MARCHF7: variants seen among roughly 807,000 people sequenced by gnomAD.
MARCHF7 encodes E3 ubiquitin-protein ligase MARCHF7.
Under a neutral mutation model 76.5 loss-of-function variants are expected in MARCHF7, and 20 were observed. The observed-to-expected ratio is 0.26, with a 90% confidence interval of 0.18 to 0.38. The LOEUF (loss-of-function observed/expected upper bound fraction) is 0.38, where lower values mean the gene tolerates loss of function less well. Among genes scored for constraint, MARCHF7 ranks in the 10% least tolerant of loss-of-function variants. The probability of loss-of-function intolerance (pLI) is 1.00; values close to 1 mark genes in which losing one functional copy is unlikely to be tolerated. For synonymous variants in MARCHF7, 295 were observed against 293.0 expected, an observed-to-expected ratio of 1.01 and a Z score of -0.07; for missense variants, 797 against 812.9, an observed-to-expected ratio of 0.98 and a Z score of 0.24.
intron 6 of MARCHF7, among the ~76,000 whole-genome samples, chr2:159,746,887 A>G (rs1704968269): frequency 6.6e-6 from 1 of 152,240 alleles, no homozygotes; most frequent in South Asian, 2.1e-4. Context: ...TTTATTTATG[A>G]CAAATGAAAA....
chr2:159,714,462 A>G (rs950168752), intron 1 of MARCHF7, 95 bp from the exon 2 acceptor site: 1 of 152,172 alleles, frequency 6.6e-6, no homozygotes, highest in Non-Finnish European at 1.5e-5. Flanking sequence ...GAAATTTTAC[A>G]GGATTTATTT....
At position 159,743,206 on chromosome 2, in the gene MARCHF7, C is replaced by G. The variant is rs17813964; in HGVS notation, c.299C>G (p.Thr100Ser). The G allele has an allele frequency of 0.083, 133,477 of 1,613,588 alleles. 6,009 individuals carry two copies. Among genetic ancestry groups the G allele is most frequent in the Non-Finnish European group, 0.094 (110,600 of 1,179,540 alleles). ...KRPKLSCTNC[T>S]TSAGRNVGNG... ...CCTAAACTTTCCTGTACAAACTGTA[C>G]TACCTCAGCTGGGAGAAATGTTGGA... Residue 100 changes from threonine to serine, a missense_variant, in exon 5 of 12, where the codon ACT (threonine) becomes AGT (serine). Transcript: ENST00000409175.
intron 3 of MARCHF7, among the ~76,000 whole-genome samples, chr2:159,727,320 G>T (rs779963553): frequency 3.3e-5 from 5 of 152,230 alleles, no homozygotes; most frequent in Non-Finnish European, 2.9e-5. Flanking sequence ...GGGCACGGTG[G>T]CTCATGCCTG....
rs1708024781 is a variant in MARCHF7, at chr2:159,768,608, G to A, written c.*1266G>A. On this transcript the variant is annotated 3_prime_UTR_variant, in exon 12 of 12. Coordinates refer to ENST00000409175, the MANE Select transcript of MARCHF7 (RefSeq NM_001282805.2). ...TTGAAATGTTTCCTTTTAAACTGGTGCTCAAAGAAGACATCAGACTTCATA... is the reference window on the plus strand; with the variant it reads ...TTGAAATGTTTCCTTTTAAACTGGTACTCAAAGAAGACATCAGACTTCATA... The A allele has an allele frequency of 6.6e-6, 1 of 152,498 alleles. No homozygotes were observed. Among genetic ancestry groups the A allele is most frequent in the African/African-American group, 2.4e-5 (1 of 41,400 alleles). The allele number at this position is 152,498 out of a possible 1,614,324, so 9.4% of individuals were successfully genotyped here.
chr2:159,745,219 G>C (rs1704704676), intron 5 of MARCHF7, among the ~76,000 whole-genome samples: 1 of 152,176 alleles, frequency 6.6e-6, no homozygotes. Flanking sequence ...CATTGTGTAT[G>C]GGGTAGATTT....
intron 3 of MARCHF7, among the ~76,000 whole-genome samples, chr2:159,718,465 TGTGACTCTTGACAGATACCTGATCA>T (rs1701279884): frequency 1.3e-5 from 2 of 152,158 alleles, no homozygotes; most frequent in South Asian, 4.1e-4. Context: ...ATGACTACTG[TGTGACTCTTGACAGATACCTGATCA>T]AGGCCATTAT....
intron 4 of MARCHF7, among the ~76,000 whole-genome samples, chr2:159,736,137 G>A (rs1703427757): frequency 6.6e-6 from 1 of 152,118 alleles, no homozygotes; most frequent in South Asian, 2.1e-4. Context: ...TTAAAATAAG[G>A]GAATGGAATT....
chr2:159,722,063 T>C (rs970059781), intron 3 of MARCHF7, among the ~76,000 whole-genome samples: 5 of 152,248 alleles, frequency 3.3e-5, no homozygotes, highest in Non-Finnish European at 5.9e-5. Flanking sequence ...CGCTATTTGT[T>C]TTTAAGTCTT....
rs758475387 is a variant in MARCHF7, at chr2:159,745,758, A to G, written c.347-12A>G. The G allele has an allele frequency of 3.2e-6, 5 of 1,578,876 alleles. No individual in the cohort carries two copies. The highest frequency in any genetic ancestry group is 4.3e-6 in the Non-Finnish European group (5 of 1,163,744). On this transcript the variant is annotated splice_polypyrimidine_tract_variant and intron_variant, in intron 5 of 11. Transcript: ENST00000409175. ...GCTTTCTCTGAAATAAAACTTCTTC[A>G]TTTATTTTAAGATTCATCTTGGAGG...
intron 8 of MARCHF7, among the ~76,000 whole-genome samples, chr2:159,755,339 T>G (rs150830572): frequency 1.3e-5 from 2 of 151,986 alleles, no homozygotes; most frequent in African/African-American, 4.8e-5. Context: ...AGCAAAGATA[T>G]TGAGAAAGTT....
intron 3 of MARCHF7, among the ~76,000 whole-genome samples, chr2:159,727,835 C>T (rs1409414424): frequency 2.0e-5 from 3 of 152,116 alleles, no homozygotes; most frequent in African/African-American, 4.8e-5. Flanking sequence ...TGTATGATTC[C>T]GTTTATACGT....
Position 159,764,659 on chromosome 2 carries a change from A to G in MARCHF7, c.2041A>G (p.Met681Val), listed in dbSNP as rs781076187. 1.1e-5 allele frequency: 17 copies of G among 1,603,038 alleles called. No homozygotes were observed. Among genetic ancestry groups the G allele is most frequent in the Middle Eastern group, 1.7e-4 (1 of 6,056 alleles). Residue 681 changes from methionine to valine, a missense_variant, in exon 11 of 12, where the codon ATG becomes GTG. This residue lies in a region of MARCHF7 where 124 missense variants were observed against 121.3 expected (regional missense o/e 1.02). Transcript: ENST00000409175. ...INLARTLQAH[M>V]EDLETSEDDS... ...CCTTGCAAGAACTCTTCAGGCACAT[A>G]TGGAAGATCTCGAAAGTAGGTGGAA...
intron 4 of MARCHF7, among the ~76,000 whole-genome samples, chr2:159,742,700 CG>C (rs909822962): frequency 6.6e-6 from 1 of 151,986 alleles, no homozygotes; most frequent in Non-Finnish European, 1.5e-5. Context: ...GTAATCCCAG[CG>C]GCCGAGGCAG....
At chr2:159,722,044 C>CT (rs1178623149) in intron 3 of MARCHF7, among the ~76,000 whole-genome samples, 2 of 152,140 alleles carry the variant, frequency 1.3e-5, no homozygotes, top group Non-Finnish European at 2.9e-5. Flanking sequence ...TACATGTGAA[C>CT]TTTTTTTGCG....
At chr2:159,716,643 CAA>C (rs11367285) in intron 3 of MARCHF7, among the ~76,000 whole-genome samples, 4 of 147,728 alleles carry the variant, frequency 2.7e-5, no homozygotes, top group East Asian at 4.0e-4. Context: ...ACCCTGTCTC[CAA>C]AAAAAAAAAT....
chr2:159,747,476 T>A (rs1419518398), intron 6 of MARCHF7, among the ~76,000 whole-genome samples: 1 of 152,200 alleles, frequency 6.6e-6, no homozygotes, highest in African/African-American at 2.4e-5. Context: ...TCAATTTAAA[T>A]ACTAGATATT....
At position 159,759,229 on chromosome 2, in the gene MARCHF7, C is replaced by T; in HGVS notation, c.1787C>T (p.Ser596Phe). The change falls in exon 9 of 12, where the codon TCT (serine) becomes TTT (phenylalanine). Residue 596 changes from serine to phenylalanine, a missense_variant. This residue lies in a region of MARCHF7 where 30 missense variants were observed against 60.1 expected (regional missense o/e 0.50). Transcript: ENST00000409175. ...KWLQAKINSG[S>F]SLEAVTTCEL... is the part of the protein sequence containing the mutation. ...TTTGTAATTTAATTTTTACCAGGTT[C>T]TTCATTAGAAGCTGTAACCACCTGT... 4 of 1,565,336 alleles carry T rather than the reference C, an allele frequency of 2.6e-6. No individual in the cohort carries two copies. Among genetic ancestry groups the T allele is most frequent in the Non-Finnish European group, 3.5e-6 (4 of 1,148,120 alleles).
chr2:159,752,583 C>A lies in MARCHF7; in HGVS notation c.1783+12C>A. 6.9e-7 allele frequency: 1 copy of A among 1,451,470 alleles called. No individual in the cohort carries two copies. The highest frequency in any genetic ancestry group is 9.1e-7 in the Non-Finnish European group (1 of 1,095,380). 89.9% of individuals were successfully genotyped at this position (1,451,470 alleles called of 1,614,324 possible). A position where few individuals can be genotyped will look rare whatever the true frequency, so the allele number is the denominator to read the frequency against. Reference sequence around the variant, plus strand: ...CAAAATTAACTCTGGTAAGATTTACCCTTTTGTGTTTTCACAATTTTTCTA... The same window carrying A: ...CAAAATTAACTCTGGTAAGATTTACACTTTTGTGTTTTCACAATTTTTCTA... On this transcript the variant is annotated intron_variant, in intron 8 of 11. Coordinates refer to ENST00000409175, the MANE Select transcript of MARCHF7 (RefSeq NM_001282805.2).
chr2:159,752,121 T>G (rs1705725671), intron 7 of MARCHF7, among the ~76,000 whole-genome samples: 1 of 152,198 alleles, frequency 6.6e-6, no homozygotes, highest in South Asian at 2.1e-4. Flanking sequence ...ATGACAAAAT[T>G]ACTTAAATCA....
Sources: gnomAD v4.1 joint callset for allele counts (sites outside exome capture counted in the v4.1 genomes callset) on GRCh38, gnomAD v4.1.1 for gene constraint, gnomAD v4.1.1 regional missense constraint, MANE v1.5 for transcripts, NCBI Gene and HGNC (gene_info 2026-07-23, HGNC 2026-07-21) for gene names.